C1QTNF8: variants seen among roughly 807,000 people sequenced by gnomAD.
The protein encoded by C1QTNF8 is complement C1q tumor necrosis factor-related protein 8.
A neutral mutation model predicts 19.2 loss-of-function variants in C1QTNF8; 27 were observed. The ratio of observed to expected loss-of-function variants is 1.41; its 90% confidence interval spans 1.04 to 1.94. The LOEUF (loss-of-function observed/expected upper bound fraction) is 1.94, where lower values mean the gene tolerates loss of function less well. Ranked by LOEUF, C1QTNF8 falls within the 30% of genes most tolerant of loss-of-function variation. The probability of loss-of-function intolerance (pLI) is 0.00; values close to 1 mark genes in which losing one functional copy is unlikely to be tolerated. For synonymous variants in C1QTNF8, 208 were observed against 172.8 expected, an observed-to-expected ratio of 1.20 and a Z score of -1.60; for missense variants, 484 against 374.4, an observed-to-expected ratio of 1.29 and a Z score of -2.42.
In C1QTNF8 at chr16:1,088,479, C is replaced by T. The variant is rs1039603822; in HGVS notation, c.*2120G>A. Among the ~76,000 whole-genome samples, 2 of 152,186 alleles carry T rather than the reference C, an allele frequency of 1.3e-5. No homozygotes were observed. The highest frequency in any genetic ancestry group is 4.8e-5 in the African/African-American group (2 of 41,442). ...AGTGGCCAGGGCAGCACGAGGCTGTCGCTGCTTTTCGTGTCTCTGGCCTCT... is the reference window on the plus strand; with the variant it reads ...AGTGGCCAGGGCAGCACGAGGCTGTTGCTGCTTTTCGTGTCTCTGGCCTCT... On this transcript the variant is annotated 3_prime_UTR_variant, in exon 5 of 5. Coordinates refer to ENST00000328449, the MANE Select transcript of C1QTNF8 (RefSeq NM_207419.3).
In C1QTNF8 at chr16:1,094,022, G is replaced by T; in HGVS notation, c.238C>A (p.Arg80=). The change falls in exon 4 of 5, where the codon CGG becomes AGG. Residue 80 remains arginine (R), a synonymous_variant. Coordinates refer to ENST00000328449, the MANE Select transcript of C1QTNF8 (RefSeq NM_207419.3). ...CCCTCTTTCCCGCTCCTGCCGGCCC[G>T]ACCTCGGACGCCGGCCTCACCCTTC... The part of the protein sequence containing the change: ...GEKGEAGVRG[R]AGRSGKEGPP... 1 of 1,476,800 alleles carries T rather than the reference G, an allele frequency of 6.8e-7. No homozygotes were observed. The highest frequency in any genetic ancestry group is 1.4e-5 in the South Asian group (1 of 71,660). 91.5% of individuals were successfully genotyped at this position (1,476,800 alleles called of 1,614,324 possible). A position where few individuals can be genotyped will look rare whatever the true frequency, so the allele number is the denominator to read the frequency against.
chr16:1,093,891 C>A lies in C1QTNF8; in HGVS notation c.369G>T (p.Arg123=), dbSNP rs747530509. 1.9e-6 allele frequency: 3 copies of A among 1,567,830 alleles called. No homozygotes were observed. The highest frequency in any genetic ancestry group is 3.7e-5 in the Admixed American group (2 of 53,628). The stretch of plus-strand genomic sequence containing the variant: ...GGTCGGAGCTGTGCAGGCCCTCGCG[C>A]CGGCCCACGGAGAAGGCGGCGTAGG... ...RRAYAAFSVG[R]REGLHSSDHF... is the part of the protein sequence containing the mutation. Residue 123 remains arginine, a synonymous_variant, in exon 4 of 5, where the codon CGG becomes CGT. Transcript: ENST00000328449.
rs117851085 is a variant in C1QTNF8 at position 1,096,191 on chromosome 16, A to G, written c.-221T>C. 0.012 allele frequency: 1,779 copies of G among 152,608 alleles called. 13 individuals carry two copies. The highest frequency in any genetic ancestry group is 0.024 in the Middle Eastern group (7 of 296). The allele number at this position is 152,608 out of a possible 1,614,324, so 9.5% of individuals were successfully genotyped here. On this transcript the variant is annotated 5_prime_UTR_variant, in exon 1 of 5. Transcript: ENST00000328449. ...GTCTGTGTTACTGTCCCAGCAACCC[A>G]GCCGTCAAAGAGCCCTTTCATGCCC...
At position 1,088,310 on chromosome 16, in the gene C1QTNF8, C is replaced by T. The variant is rs928909701; in HGVS notation, c.*2289G>A. ...AGCTGCCTCCCCAGCCCGATGCTTG[C>T]CTGGAATGTCACAGGGATGTCCCCG... On this transcript the variant is annotated 3_prime_UTR_variant, in exon 5 of 5. Coordinates refer to ENST00000328449, the MANE Select transcript of C1QTNF8 (RefSeq NM_207419.3). Among the ~76,000 whole-genome samples the T allele has an allele frequency of 1.3e-5, 2 of 152,382 alleles. No homozygotes were observed. The highest frequency in any genetic ancestry group is 1.9e-4 in the East Asian group (1 of 5,190).
At chr16:1,091,510 C>T (rs2151564601) in intron 4 of C1QTNF8, among the ~76,000 whole-genome samples, 1 of 152,206 alleles carries the variant, frequency 6.6e-6, no homozygotes. Context: ...CACAGCTGCT[C>T]CAGCCGGGGA....
At chr16:1,095,241 C>T (rs568103538) in intron 2 of C1QTNF8, among the ~76,000 whole-genome samples, 1 of 152,344 alleles carries the variant, frequency 6.6e-6, no homozygotes, top group South Asian at 2.1e-4. Context: ...TCTGAGACAG[C>T]CCTCTAAACT....
rs754438212 is a variant in C1QTNF8, at chr16:1,094,845, A to G, written c.78T>C (p.Cys26=). 6.9e-6 allele frequency: 10 copies of G among 1,441,338 alleles called. No individual in the cohort carries two copies. The highest frequency in any genetic ancestry group is 4.4e-5 in the African/African-American group (3 of 67,594). 89.3% of individuals were successfully genotyped at this position (1,441,338 alleles called of 1,614,324 possible). The change falls in exon 3 of 5, where the codon TGT becomes TGC. Residue 26 remains cysteine (C), a synonymous_variant. Transcript: ENST00000328449. The part of the protein sequence containing the change: ...GAWPGLPRRP[C]VHCCRPAWPP... ...GCCAGGCCGGGCGGCAGCAGTGCAC[A>G]CAGGGCCTCCTGGGCAGCCCGGGCC... is the stretch of plus-strand genomic sequence containing the variant.
rs369341042 is a variant in C1QTNF8 at position 1,091,866 on chromosome 16, G to A, written c.*5-1272C>T. The stretch of plus-strand genomic sequence containing the variant: ...ACCCTCCCGGCCACCGTGAGTGCTG[G>A]GTGCCCCTCACACCGCCTGGAAGTG... On this transcript the variant is annotated intron_variant, in intron 4 of 4. Transcript: ENST00000328449. Among the ~76,000 whole-genome samples, 453 of 145,906 alleles carry A rather than the reference G, an allele frequency of 3.1e-3. 1 individual carries two copies. Among genetic ancestry groups the A allele is most frequent in the African/African-American group, 0.012 (425 of 36,928 alleles).
intron 4 of C1QTNF8, among the ~76,000 whole-genome samples, chr16:1,091,484 A>G (rs1960542996): frequency 6.6e-6 from 1 of 151,846 alleles, no homozygotes; most frequent in Non-Finnish European, 1.5e-5. Context: ...TGGCTGGGAG[A>G]GCTTCCGGGA....
chr16:1,091,783 C>T (rs1960548943), intron 4 of C1QTNF8, among the ~76,000 whole-genome samples: 1 of 152,158 alleles, frequency 6.6e-6, no homozygotes, highest in African/African-American at 2.4e-5. Flanking sequence ...CCAAAACTGA[C>T]CCCCTGCGCT....
intron 3 of C1QTNF8, 111 bp downstream of exon 3, chr16:1,094,604 G>C (rs1960644474): frequency 4.9e-6 from 4 of 811,224 alleles, no homozygotes; most frequent in Non-Finnish European, 5.7e-6. Context: ...GCAGACACTG[G>C]TGCTCAGCGT....
At chr16:1,095,305 G>A (rs570331594) in intron 2 of C1QTNF8, among the ~76,000 whole-genome samples, 1 of 152,210 alleles carries the variant, frequency 6.6e-6, no homozygotes, top group African/African-American at 2.4e-5. Context: ...CAGAGCCCTG[G>A]GGCGTGGTGG....
Position 1,094,009 on chromosome 16 carries a change from C to T in C1QTNF8, c.251G>A (p.Ser84Asn), listed in dbSNP as rs980215839. ...EAGVRGRAGR[S>N]GKEGPPGARG... ...GGCGCCTGGCGGCCCCTCTTTCCCG[C>T]TCCTGCCGGCCCGACCTCGGACGCC... is the stretch of plus-strand genomic sequence containing the variant. Residue 84 changes from serine to asparagine, a missense_variant, in exon 4 of 5, where the codon AGC becomes AAC. Transcript: ENST00000328449. 1.3e-6 allele frequency: 2 copies of T among 1,486,576 alleles called. No homozygotes were observed. Among genetic ancestry groups the T allele is most frequent in the Non-Finnish European group, 1.8e-6 (2 of 1,135,194 alleles). The allele number at this position is 1,486,576 out of a possible 1,614,324, so 92.1% of individuals were successfully genotyped here.
Position 1,088,769 on chromosome 16 carries a change from C to T in C1QTNF8, c.*1830G>A, listed in dbSNP as rs1256281718. 2.6e-5 allele frequency among the ~76,000 whole-genome samples: 4 copies of T among 152,106 alleles called. 1 individual carries two copies. Among genetic ancestry groups the T allele is most frequent in the South Asian group, 4.2e-4 (2 of 4,810 alleles). On this transcript the variant is annotated 3_prime_UTR_variant, in exon 5 of 5. Transcript: ENST00000328449. ...CGCCAGCTTCCAAGAGACCTTGCAC[C>T]CCTGCCCGCCTGACCCCTGCTGCAG...
Position 1,088,763 on chromosome 16 carries a change from T to C in C1QTNF8, c.*1836A>G, listed in dbSNP as rs1435944568. Among the ~76,000 whole-genome samples, 5 of 31,768 alleles carry C rather than the reference T, an allele frequency of 1.6e-4. No individual in the cohort carries two copies. Among genetic ancestry groups the C allele is most frequent in the Non-Finnish European group, 3.3e-4 (5 of 15,092 alleles). 20.8% of individuals were successfully genotyped at this position (31,768 alleles called of 152,430 possible). On this transcript the variant is annotated 3_prime_UTR_variant, in exon 5 of 5. Transcript: ENST00000328449. ...CACCCCCGCCAGCTTCCAAGAGACC[T>C]TGCACCCCTGCCCGCCTGACCCCTG...
At position 1,093,512 on chromosome 16, in the gene C1QTNF8, CG is replaced by C. The variant is rs1960608537; in HGVS notation, c.747del (p.Ala250ProfsTer217). On this transcript the variant is annotated frameshift_variant, in exon 4 of 5. Transcript: ENST00000328449. LOFTEE classifies it high-confidence loss of function. ...GGCCCCTCACCCGGCTACAGCTCGG[CG>C]GCCGGCTTGACCAGGTGGCCGCTGA... ...ITFSGHLVKPAAEL is the reference protein window; with the variant it reads ...ITFSGHLVKPXAEL 6.5e-7 allele frequency: 1 copy of C among 1,536,020 alleles called. No homozygotes were observed. The highest frequency in any genetic ancestry group is 8.8e-7 in the Non-Finnish European group (1 of 1,140,118).
In C1QTNF8 at chr16:1,093,594, G is replaced by C. The variant is rs753286165; in HGVS notation, c.666C>G (p.Phe222Leu). The change falls in exon 4 of 5, where the codon TTC becomes TTG. Residue 222 changes from phenylalanine to leucine, a missense_variant. Physicochemically the swap from Phe to Leu is conservative, Grantham distance 22. Transcript: ENST00000328449. ...AAGDAVWVRM[F>L]QRDRDNAIYG... Reference sequence around the variant, plus strand: ...AGATGGCGTTGTCCCGGTCGCGCTGGAACATGCGCACCCAGACGGCGTCGC... The same window carrying C: ...AGATGGCGTTGTCCCGGTCGCGCTGCAACATGCGCACCCAGACGGCGTCGC... 6.2e-7 allele frequency: 1 copy of C among 1,602,350 alleles called. No homozygotes were observed. The highest frequency in any genetic ancestry group is 8.5e-7 in the Non-Finnish European group (1 of 1,174,758).
rs934901489 is a variant in C1QTNF8, at chr16:1,088,313, G to A, written c.*2286C>T. Among the ~76,000 whole-genome samples, 32 of 152,380 alleles carry A rather than the reference G, an allele frequency of 2.1e-4. No individual in the cohort carries two copies. Among genetic ancestry groups the A allele is most frequent in the African/African-American group, 7.5e-4 (31 of 41,594 alleles). The stretch of plus-strand genomic sequence containing the variant: ...TGCCTCCCCAGCCCGATGCTTGCCT[G>A]GAATGTCACAGGGATGTCCCCGCGG... On this transcript the variant is annotated 3_prime_UTR_variant, in exon 5 of 5. Transcript: ENST00000328449.
At position 1,088,488 on chromosome 16, in the gene C1QTNF8, T is replaced by A. The variant is rs944716890; in HGVS notation, c.*2111A>T. Reference sequence around the variant, plus strand: ...GGCAGCACGAGGCTGTCGCTGCTTTTCGTGTCTCTGGCCTCTACCAAGCAT... The same window carrying A: ...GGCAGCACGAGGCTGTCGCTGCTTTACGTGTCTCTGGCCTCTACCAAGCAT... On this transcript the variant is annotated 3_prime_UTR_variant, in exon 5 of 5. Transcript: ENST00000328449. Among the ~76,000 whole-genome samples the A allele has an allele frequency of 2.6e-5, 4 of 152,200 alleles. No individual in the cohort carries two copies. Among genetic ancestry groups the A allele is most frequent in the Admixed American group, 6.5e-5 (1 of 15,294 alleles).
Sources: gnomAD v4.1 joint callset for allele counts (sites outside exome capture counted in the v4.1 genomes callset) on GRCh38, gnomAD v4.1.1 for gene constraint, MANE v1.5 for transcripts, NCBI Gene and HGNC (gene_info 2026-07-23, HGNC 2026-07-21) for gene names.